Variants in ZNF407 observed in about 807,000 individuals in gnomAD.
ZNF407 encodes the protein zinc finger protein 407.
A neutral mutation model predicts 131.2 loss-of-function variants in ZNF407; 17 were observed. The observed-to-expected ratio is 0.13, with a 90% CI of 0.09 to 0.19. ZNF407 has a LOEUF of 0.19. Among genes scored for constraint, ZNF407 ranks in the 10% least tolerant of loss-of-function variants. ZNF407 has a pLI of 1.00. For missense variants in ZNF407, 2,681 were observed against 2,830.6 expected (o/e 0.95, Z 1.20); for synonymous variants, 1,156 against 1,062.0 (o/e 1.09, Z -1.72).
rs776452928 is a variant in ZNF407 at position 74,635,187 on chromosome 18, C to A, written c.4168C>A (p.Pro1390Thr). The A allele has an allele frequency of 1.2e-6, 2 of 1,613,830 alleles. No individual in the cohort carries two copies. Among genetic ancestry groups the A allele is most frequent in the South Asian group, 2.2e-5 (2 of 91,086 alleles). ...IATGVRISEL[P>T]LKDCAQGVKK... ...AACGGGAGTGAGAATTAGTGAGCTG[C>A]CCTTGAAAGACTGTGCTCAAGGTGT... The change falls in exon 2 of 9, where the codon CCC (proline) becomes ACC (threonine). Residue 1390 changes from proline (P) to threonine (T), a missense_variant. Around this residue, in one of 6 missense-constraint regions of ZNF407, gnomAD observed 1,789 missense variants for 1,748.7 expected, o/e 1.02. Transcript: ENST00000299687. This position sits in a 1 kb window ranked among gnomAD's most constrained non-coding sequence, Gnocchi z 4.7.
At chr18:74,745,031 A>G (rs1968635171) in intron 3 of ZNF407, among the ~76,000 whole-genome samples, 2 of 152,116 alleles carry the variant, frequency 1.3e-5, no homozygotes, top group South Asian at 4.1e-4. Flanking sequence ...ATAGGCAATG[A>G]GATGAGAGAA....
At chr18:74,649,855 C>T (rs1419136201) in intron 3 of ZNF407, among the ~76,000 whole-genome samples, 1 of 152,216 alleles carries the variant, frequency 6.6e-6, no homozygotes, top group Admixed American at 6.5e-5. Flanking sequence ...AATTGATCAA[C>T]ATTCGTCCAT....
intron 4 of ZNF407, among the ~76,000 whole-genome samples, chr18:74,846,993 C>CA (rs34570082): frequency 0.083 from 12,333 of 147,990 alleles, 638 homozygotes; most frequent in South Asian, 0.18. Flanking sequence ...GACTTAGTCT[C>CA]AAAAAAAAAA....
At chr18:75,034,306 T>TG (rs1444637806) in intron 8 of ZNF407, among the ~76,000 whole-genome samples, 10 of 147,826 alleles carry the variant, frequency 6.8e-5, no homozygotes, top group Non-Finnish European at 1.3e-4. Flanking sequence ...TTGGGTTTTT[T>TG]TTTTTTTTTT....
chr18:74,817,739 A>C (rs1292293286), intron 4 of ZNF407, among the ~76,000 whole-genome samples: 2 of 152,196 alleles, frequency 1.3e-5, no homozygotes, highest in Non-Finnish European at 2.9e-5. Context: ...AATTGATCTT[A>C]ACCACAAGGC....
chr18:75,043,768 CTG>C (rs1168339352), intron 8 of ZNF407, among the ~76,000 whole-genome samples: 20 of 152,292 alleles, frequency 1.3e-4, no homozygotes, highest in African/African-American at 4.3e-4. Context: ...ATCCACAGTA[CTG>C]ATAAAAAGGC....
chr18:74,878,147 T>A (rs966653164), intron 5 of ZNF407, among the ~76,000 whole-genome samples: 6 of 152,136 alleles, frequency 3.9e-5, no homozygotes, highest in African/African-American at 1.4e-4. Flanking sequence ...TTTTATAGTC[T>A]AAGTCTAGTG....
chr18:75,029,168 G>C (rs1446980424), intron 8 of ZNF407, among the ~76,000 whole-genome samples: 1 of 152,082 alleles, frequency 6.6e-6, no homozygotes, highest in East Asian at 1.9e-4. Flanking sequence ...TCCATGTTCT[G>C]CTTGTTTGTT....
intron 3 of ZNF407, among the ~76,000 whole-genome samples, chr18:74,728,696 T>C (rs1449140471): frequency 2.0e-5 from 3 of 152,136 alleles, no homozygotes; most frequent in Non-Finnish European, 4.4e-5. Flanking sequence ...GCCTGTGTGC[T>C]TCTGACTCTC....
Position 74,634,404 on chromosome 18 carries a change from A to C in ZNF407, c.3385A>C (p.Ile1129Leu). Residue 1129 changes from isoleucine to leucine, a missense_variant, in exon 2 of 9, where the codon ATT (isoleucine) becomes CTT (leucine). By Grantham distance (5) the Ile-to-Leu change is conservative. This residue lies in a region of ZNF407 where 1,789 missense variants were observed against 1,748.7 expected (regional missense o/e 1.02). Transcript: ENST00000299687. ...ATCTAGAAATGCTGCAGATTGCTCT[A>C]TTTTAAATGAGAATACTAATTTAGA... Reference protein sequence around the residue: ...LKSRNAADCSILNENTNLDMS... With the variant: ...LKSRNAADCSLLNENTNLDMS... 6.2e-7 allele frequency: 1 copy of C among 1,613,616 alleles called. No individual in the cohort carries two copies. Among genetic ancestry groups the C allele is most frequent in the Non-Finnish European group, 8.5e-7 (1 of 1,179,862 alleles).
At chr18:74,918,794 A>G (rs1218939769) in intron 7 of ZNF407, among the ~76,000 whole-genome samples, 5 of 142,214 alleles carry the variant, frequency 3.5e-5, no homozygotes, top group African/African-American at 6.2e-5. Context: ...GAAAAATAAG[A>G]GTAAGTGGGC....
At chr18:74,854,709 C>T (rs544931395) in intron 4 of ZNF407, among the ~76,000 whole-genome samples, 22 of 151,902 alleles carry the variant, frequency 1.4e-4, no homozygotes, top group Admixed American at 7.2e-4. Context: ...ACACCCAATG[C>T]ACTACACAGA....
intron 4 of ZNF407, among the ~76,000 whole-genome samples, chr18:74,790,313 T>C (rs1269830400): frequency 6.6e-6 from 1 of 152,164 alleles, no homozygotes. Flanking sequence ...AACCGAATTC[T>C]GTAGAGATAT....
chr18:74,604,278 T>G (rs1982703043), intron 1 of ZNF407, among the ~76,000 whole-genome samples: 1 of 152,186 alleles, frequency 6.6e-6, no homozygotes. Flanking sequence ...CTTGTTAGCT[T>G]TTGGTTTGCA....
intron 8 of ZNF407, among the ~76,000 whole-genome samples, chr18:75,046,510 G>T (rs117673039): frequency 6.6e-6 from 1 of 152,152 alleles, no homozygotes. Flanking sequence ...TTCTTGGGGA[G>T]ATTTTTAATA....
intron 8 of ZNF407, among the ~76,000 whole-genome samples, chr18:75,057,729 T>C (rs1435288605): frequency 1.3e-5 from 2 of 152,200 alleles, no homozygotes; most frequent in Non-Finnish European, 2.9e-5. Flanking sequence ...TTAGATTGTG[T>C]GTAGAGCACA....
At chr18:75,007,268 T>G (rs1972921809) in intron 8 of ZNF407, among the ~76,000 whole-genome samples, 1 of 152,224 alleles carries the variant, frequency 6.6e-6, no homozygotes, top group Admixed American at 6.5e-5. Flanking sequence ...CTTGTATCCT[T>G]TGAGACTAAG....
intron 3 of ZNF407, among the ~76,000 whole-genome samples, chr18:74,745,294 A>C (rs1968642503): frequency 6.6e-6 from 1 of 152,184 alleles, no homozygotes; most frequent in South Asian, 2.1e-4. Flanking sequence ...TATTTAAAAA[A>C]GTTTTATGGA....
At chr18:74,696,535 C>T (rs12959796) in intron 3 of ZNF407, among the ~76,000 whole-genome samples, 12,576 of 152,214 alleles carry the variant, frequency 0.083, 685 homozygotes, top group African/African-American at 0.16. Flanking sequence ...CTGCTTCTGG[C>T]TGTGAAACCA....
Sources: gnomAD v4.1 joint callset for allele counts (sites outside exome capture counted in the v4.1 genomes callset) on GRCh38, gnomAD v4.1.1 for gene constraint, gnomAD v4.1.1 regional missense constraint, Gnocchi (gnomAD v3.1) non-coding constraint, MANE v1.5 for transcripts, NCBI Gene and HGNC (gene_info 2026-07-23, HGNC 2026-07-21) for gene names.